IFNLR1: variants seen among roughly 807,000 people sequenced by gnomAD.
The protein encoded by IFNLR1 is interferon lambda receptor 1.
A neutral mutation model predicts 52.5 loss-of-function variants in IFNLR1; 28 were observed. That is an observed-to-expected ratio of 0.53 (90% CI 0.40 to 0.73). The LOEUF (loss-of-function observed/expected upper bound fraction) is 0.73. Among genes scored for constraint, IFNLR1 ranks in the 30% least tolerant of loss-of-function variants. IFNLR1 has a pLI of 0.00. For missense variants in IFNLR1, 623 were observed against 659.1 expected (o/e 0.95, Z 0.60); for synonymous variants, 276 against 274.9 (o/e 1.00, Z -0.04).
At chr1:24,162,212 T>C (rs1644451823) in intron 3 of IFNLR1, among the ~76,000 whole-genome samples, 1 of 152,206 alleles carries the variant, frequency 6.6e-6, no homozygotes, top group African/African-American at 2.4e-5. Flanking sequence ...AACTTAGTTC[T>C]TTGTGGCTGT....
At chr1:24,184,510 C>T (rs1644719323) in intron 1 of IFNLR1, among the ~76,000 whole-genome samples, 2 of 152,120 alleles carry the variant, frequency 1.3e-5, no homozygotes, top group Admixed American at 6.5e-5. Context: ...CTGCTCTCTC[C>T]CCAACAGCTA....
intron 1 of IFNLR1, 87 bp from the exon 2 acceptor site, chr1:24,180,941 C>G: frequency 7.1e-7 from 1 of 1,403,614 alleles, no homozygotes; most frequent in Non-Finnish European, 9.6e-7. Flanking sequence ...GCACGAAGGG[C>G]AAGCAGGTGC....
At chr1:24,164,121 A>C (rs1369617774) in intron 3 of IFNLR1, among the ~76,000 whole-genome samples, 2 of 152,206 alleles carry the variant, frequency 1.3e-5, no homozygotes, top group Non-Finnish European at 2.9e-5. Flanking sequence ...TAACAGTTGC[A>C]GACAATCTGG....
chr1:24,161,016 C>T (rs569854077), intron 4 of IFNLR1, among the ~76,000 whole-genome samples: 44 of 152,204 alleles, frequency 2.9e-4, no homozygotes, highest in East Asian at 1.9e-4. Context: ...CATGAGCCAC[C>T]GCACCTGGCC....
In IFNLR1 at chr1:24,164,921, C is replaced by A. The variant is rs916893829; in HGVS notation, c.368-3237G>T. 2.6e-5 allele frequency among the ~76,000 whole-genome samples: 4 copies of A among 152,112 alleles called. No homozygotes were observed. In the East Asian group the frequency reaches 5.8e-4, roughly 22 times the overall value. On this transcript the variant is annotated intron_variant, in intron 3 of 6. Coordinates refer to ENST00000327535, the MANE Select transcript of IFNLR1 (RefSeq NM_170743.4). ...GGGATTACAGGTGCCCGCCACCACA[C>A]CCAGCTAATTTTTGTATTTTTAGTA...
intron 2 of IFNLR1, among the ~76,000 whole-genome samples, chr1:24,174,587 G>A (rs1283926157): frequency 6.6e-6 from 1 of 152,184 alleles, no homozygotes; most frequent in Non-Finnish European, 1.5e-5. Context: ...CAAAGAACTG[G>A]TTGAATTGTC....
Position 24,169,486 on chromosome 1 carries a change from C to A in IFNLR1, c.298G>T (p.Val100Leu). Residue 100 changes from valine (V) to leucine (L), a missense_variant, in exon 3 of 7, where the codon GTG becomes TTG. Transcript: ENST00000327535. ...TTGGAGCTGGGAGAAACCGTCCGCACGCGTCCCTTGAACTTGTTGTACAGG... is the reference window on the plus strand; with the variant it reads ...TTGGAGCTGGGAGAAACCGTCCGCAAGCGTCCCTTGAACTTGTTGTACAGG... ...QDLYNKFKGR[V>L]RTVSPSSKSP... 1 of 1,614,200 alleles carries A rather than the reference C, an allele frequency of 6.2e-7. No individual in the cohort carries two copies. The highest frequency in any genetic ancestry group is 8.5e-7 in the Non-Finnish European group (1 of 1,180,038).
chr1:24,184,374 C>T lies in IFNLR1; in HGVS notation c.58+2817G>A, dbSNP rs192413580. ...GTTAATCTTCATCTTCTGAAATACG[C>T]ATCTGATTACACCACTCCCCAGTTT... On this transcript the variant is annotated intron_variant, in intron 1 of 6. Coordinates refer to ENST00000327535, the MANE Select transcript of IFNLR1 (RefSeq NM_170743.4). Among the ~76,000 whole-genome samples, 25 of 152,332 alleles carry T rather than the reference C, an allele frequency of 1.6e-4. 1 individual carries two copies. Among genetic ancestry groups the T allele is most frequent in the Admixed American group, 1.3e-3 (20 of 15,298 alleles).
chr1:24,161,699 C>T lies in IFNLR1; in HGVS notation c.368-15G>A, dbSNP rs1175761869. The T allele has an allele frequency of 1.4e-6, 2 of 1,468,394 alleles. No homozygotes were observed. Among genetic ancestry groups the T allele is most frequent in the Admixed American group, 5.0e-5 (2 of 40,038 alleles). The allele number at this position is 1,468,394 out of a possible 1,614,324, so 91.0% of individuals were successfully genotyped here. Reference sequence around the variant, plus strand: ...GGCCGGCTCCACTGCAGAAACAGAGCAGGACCTGTCAGTAATCCCGAGGGG... The same window carrying T: ...GGCCGGCTCCACTGCAGAAACAGAGTAGGACCTGTCAGTAATCCCGAGGGG... On this transcript the variant is annotated splice_polypyrimidine_tract_variant and intron_variant, in intron 3 of 6. Transcript: ENST00000327535.
chr1:24,166,396 A>G (rs1569653683), intron 3 of IFNLR1, among the ~76,000 whole-genome samples: 1 of 150,988 alleles, frequency 6.6e-6, no homozygotes, highest in African/African-American at 2.4e-5. Context: ...CTTTCTACAC[A>G]TCCTTCCTTC....
intron 1 of IFNLR1, among the ~76,000 whole-genome samples, chr1:24,186,664 A>AAACAAC (rs57142907): frequency 0.01 from 1,516 of 151,468 alleles, 26 homozygotes; most frequent in African/African-American, 0.035. Flanking sequence ...AGAGGTGGGA[A>AAACAAC]AACAACAACA....
At chr1:24,173,623 CCTCT>C (rs1557650008) in intron 2 of IFNLR1, among the ~76,000 whole-genome samples, 1 of 151,164 alleles carries the variant, frequency 6.6e-6, no homozygotes, top group African/African-American at 2.4e-5. Context: ...TCCTTCCCTC[CCTCT>C]CTTTCTTCTT....
intron 1 of IFNLR1, among the ~76,000 whole-genome samples, chr1:24,185,545 G>C (rs141172227): frequency 1.3e-5 from 2 of 152,186 alleles, no homozygotes; most frequent in Non-Finnish European, 1.5e-5. Flanking sequence ...CCCCAGCCTC[G>C]GCTGCCTACC....
Position 24,159,040 on chromosome 1 carries a change from G to T in IFNLR1, c.801+12C>A. 6.2e-7 allele frequency: 1 copy of T among 1,613,186 alleles called. No individual in the cohort carries two copies. The highest frequency in any genetic ancestry group is 8.5e-7 in the Non-Finnish European group (1 of 1,179,544). On this transcript the variant is annotated intron_variant, in intron 6 of 6. Coordinates refer to ENST00000327535, the MANE Select transcript of IFNLR1 (RefSeq NM_170743.4). ...CCTCCCCACCTGCTGCACACCCCCA[G>T]ATTTGCTATACCAGGGCCCGTGGCA... is the stretch of plus-strand genomic sequence containing the variant.
At chr1:24,162,773 TTTC>T (rs1353052408) in intron 3 of IFNLR1, among the ~76,000 whole-genome samples, 2,703 of 38,426 alleles carry the variant, frequency 0.07, 183 homozygotes, top group Non-Finnish European at 0.082. Context: ...TCTTTCTTTC[TTTC>T]TTTTTCTTTC....
At chr1:24,185,265 A>C (rs1366646221) in intron 1 of IFNLR1, among the ~76,000 whole-genome samples, 1 of 152,162 alleles carries the variant, frequency 6.6e-6, no homozygotes, top group Non-Finnish European at 1.5e-5. Context: ...CGAGCTCTTG[A>C]CTGTACTTTG....
Position 24,159,563 on chromosome 1 carries a change from T to C in IFNLR1, c.581A>G (p.His194Arg). Residue 194 changes from histidine to arginine, a missense_variant, in exon 5 of 7, where the codon CAC (histidine) becomes CGC (arginine). Physicochemically the swap from His to Arg is conservative, Grantham distance 29 (BLOSUM62 0). Coordinates refer to ENST00000327535, the MANE Select transcript of IFNLR1 (RefSeq NM_170743.4). ...ITLQPAASEH[H>R]CLSARTIYTF... ...GTAGATGGTTCTGGCACTGAGGCAG[T>C]GGTGTTCGCTGGCAGCTGGCTGGAG... 1 of 1,613,724 alleles carries C rather than the reference T, an allele frequency of 6.2e-7. No individual in the cohort carries two copies.
intron 3 of IFNLR1, among the ~76,000 whole-genome samples, chr1:24,166,840 G>T (rs375480696): frequency 3.9e-5 from 6 of 152,098 alleles, no homozygotes; most frequent in Non-Finnish European, 7.3e-5. Flanking sequence ...GCCTCCCAAA[G>T]TGATGGGATT....
intron 1 of IFNLR1, among the ~76,000 whole-genome samples, chr1:24,183,877 G>A (rs1305985791): frequency 6.6e-6 from 1 of 152,124 alleles, no homozygotes; most frequent in Non-Finnish European, 1.5e-5. Flanking sequence ...TTACAGGCAT[G>A]TGCCACCACA....
Sources: allele counts gnomAD v4.1 joint callset (sites outside exome capture counted in the v4.1 genomes callset), GRCh38; gene constraint gnomAD v4.1.1; transcripts MANE v1.5; gene names NCBI Gene and HGNC (gene_info 2026-07-23, HGNC 2026-07-21).